The following YWHAQ variants were observed in gnomAD, a reference collection of about 807,000 sequenced individuals.
YWHAQ encodes tyrosine 3-monooxygenase/tryptophan 5-monooxygenase activation protein theta.
A neutral mutation model predicts 28.3 loss-of-function variants in YWHAQ; 6 were observed. That is an observed-to-expected ratio of 0.21 (90% CI 0.12 to 0.42). The LOEUF (loss-of-function observed/expected upper bound fraction) is 0.42. Among genes scored for constraint, YWHAQ ranks in the 10% least tolerant of loss-of-function variants. YWHAQ has a pLI of 1.00. For missense variants in YWHAQ, 201 were observed against 305.6 expected (o/e 0.66, Z 2.55); for synonymous variants, 143 against 119.1 (o/e 1.20, Z -1.31).
At chr2:9,600,629 C>T (rs1028781337) in intron 2 of YWHAQ, among the ~76,000 whole-genome samples, 3 of 151,864 alleles carry the variant, frequency 2.0e-5, no homozygotes, top group Non-Finnish European at 4.4e-5. Flanking sequence ...TGATTGAACC[C>T]GGGAGGCAGA....
At chr2:9,586,183 C>G (rs1666340552) in intron 5 of YWHAQ, among the ~76,000 whole-genome samples, 1 of 152,120 alleles carries the variant, frequency 6.6e-6, no homozygotes, top group African/African-American at 2.4e-5. Context: ...GTGATGGAAG[C>G]TACAGGGAAG....
intron 2 of YWHAQ, among the ~76,000 whole-genome samples, chr2:9,609,363 T>G (rs13022460): frequency 0.19 from 28,691 of 151,956 alleles, 2,992 homozygotes; most frequent in Middle Eastern, 0.26. Context: ...AAAGGCATAT[T>G]TGAATAAATT....
intron 2 of YWHAQ, among the ~76,000 whole-genome samples, chr2:9,628,140 A>C (rs896823651): frequency 6.6e-6 from 1 of 152,184 alleles, no homozygotes; most frequent in Non-Finnish European, 1.5e-5. Flanking sequence ...ACAGTTGCCA[A>C]CTTGAAGAAG....
chr2:9,619,411 T>C (rs1667096324), intron 2 of YWHAQ, among the ~76,000 whole-genome samples: 3 of 152,190 alleles, frequency 2.0e-5, no homozygotes, highest in East Asian at 3.9e-4. Flanking sequence ...ACCCTAACAA[T>C]AAATACAGTA....
chr2:9,607,763 G>A (rs966449817), intron 2 of YWHAQ, among the ~76,000 whole-genome samples: 1 of 146,798 alleles, frequency 6.8e-6, no homozygotes, highest in Non-Finnish European at 1.5e-5. Flanking sequence ...CCAGGCTGGA[G>A]TGCAGTGGCA....
chr2:9,593,822 A>G (rs1666507725), intron 2 of YWHAQ, among the ~76,000 whole-genome samples: 1 of 151,472 alleles, frequency 6.6e-6, no homozygotes, highest in Admixed American at 6.6e-5. Context: ...AGCAAAAGAG[A>G]TCCTGTCTGT....
At chr2:9,610,010 C>T (rs899896109) in intron 2 of YWHAQ, among the ~76,000 whole-genome samples, 5 of 152,132 alleles carry the variant, frequency 3.3e-5, no homozygotes, top group Non-Finnish European at 5.9e-5. Context: ...ACGTGTTTCC[C>T]GCATCTCTTT....
intron 2 of YWHAQ, among the ~76,000 whole-genome samples, chr2:9,599,265 C>A (rs1042176210): frequency 1.3e-5 from 2 of 152,172 alleles, no homozygotes; most frequent in East Asian, 1.9e-4. Context: ...AAGTCACCTC[C>A]AGAACATAAA....
chr2:9,609,819 A>C (rs1666909457), intron 2 of YWHAQ, among the ~76,000 whole-genome samples: 1 of 152,222 alleles, frequency 6.6e-6, no homozygotes, highest in South Asian at 2.1e-4. Flanking sequence ...CAAAAACATA[A>C]AGACGTTTCC....
intron 2 of YWHAQ, among the ~76,000 whole-genome samples, chr2:9,593,397 C>A (rs775579634): frequency 4.3e-4 from 65 of 152,040 alleles, no homozygotes; most frequent in Non-Finnish European, 9.0e-4. Context: ...TTAGTAGAGA[C>A]AGGGTTTCAC....
chr2:9,626,553 C>T (rs1040543465), intron 2 of YWHAQ, among the ~76,000 whole-genome samples: 6 of 152,214 alleles, frequency 3.9e-5, no homozygotes, highest in African/African-American at 4.8e-5. Context: ...CTCGGCCTCC[C>T]GAGTAGCTGG....
intron 2 of YWHAQ, among the ~76,000 whole-genome samples, chr2:9,623,205 C>T (rs1004755658): frequency 5.3e-5 from 8 of 152,166 alleles, no homozygotes; most frequent in South Asian, 2.1e-4. Context: ...GGAGATAAGA[C>T]GTTAAACCTT....
intron 2 of YWHAQ, among the ~76,000 whole-genome samples, chr2:9,627,478 C>T (rs767669530): frequency 1.3e-5 from 2 of 152,176 alleles, no homozygotes; most frequent in African/African-American, 4.8e-5. Flanking sequence ...TGTCTTATAA[C>T]TTCCTTATCT....
intron 3 of YWHAQ, 89 bp from the exon 4 acceptor site, chr2:9,588,417 C>T: frequency 2.1e-6 from 3 of 1,433,956 alleles, no homozygotes; most frequent in Non-Finnish European, 2.8e-6. Context: ...GCTACTAGCT[C>T]TTGGTAGAAC....
At chr2:9,613,279 A>C (rs1358706324) in intron 2 of YWHAQ, among the ~76,000 whole-genome samples, 1 of 152,244 alleles carries the variant, frequency 6.6e-6, no homozygotes, top group African/African-American at 2.4e-5. Flanking sequence ...AAAAGTTTTC[A>C]AACTTTTGAG....
At chr2:9,588,760 T>C (rs1222344199) in intron 3 of YWHAQ, among the ~76,000 whole-genome samples, 1 of 151,920 alleles carries the variant, frequency 6.6e-6, no homozygotes, top group African/African-American at 2.4e-5. Flanking sequence ...AACAGAACGA[T>C]ACTCTGTGTC....
At chr2:9,593,976 AAC>A (rs371022884) in intron 2 of YWHAQ, among the ~76,000 whole-genome samples, 41,528 of 145,486 alleles carry the variant, frequency 0.29, 6,657 homozygotes, top group African/African-American at 0.43. Flanking sequence ...AGGAAGTTAA[AAC>A]ACACACACAC....
At chr2:9,627,846 CCCGGATATT>C (rs1295904490) in intron 2 of YWHAQ, among the ~76,000 whole-genome samples, 9 of 152,292 alleles carry the variant, frequency 5.9e-5, no homozygotes, top group African/African-American at 1.9e-4. Flanking sequence ...CAAGCCCTAC[CCCGGATATT>C]CCTTTAATAC....
In YWHAQ at chr2:9,593,917, T is replaced by TACAC. The variant is rs1284878103; in HGVS notation, c.295-2403_295-2402insGTGT. Among the ~76,000 whole-genome samples, 651 of 104,182 alleles carry TACAC rather than the reference T, an allele frequency of 6.2e-3. 1 individual carries two copies. Among genetic ancestry groups the TACAC allele is most frequent in the Middle Eastern group, 0.032 (6 of 190 alleles). The allele number at this position is 104,182 out of a possible 152,430, so 68.3% of individuals were successfully genotyped here. On this transcript the variant is annotated intron_variant, in intron 2 of 5. Coordinates refer to ENST00000238081, the MANE Select transcript of YWHAQ (RefSeq NM_006826.4). ...ATAGATTAAAAAAAATATATATATATATATATACACACACACACACACACA... is the reference window on the plus strand; with the variant it reads ...ATAGATTAAAAAAAATATATATATATACACATATATACACACACACACACACACA...
Sources: allele counts gnomAD v4.1 joint callset (sites outside exome capture counted in the v4.1 genomes callset), GRCh38; gene constraint gnomAD v4.1.1; transcripts MANE v1.5; gene names NCBI Gene and HGNC (gene_info 2026-07-23, HGNC 2026-07-21).